ZNF214: variants seen among roughly 807,000 people sequenced by gnomAD.
ZNF214 encodes the protein zinc finger protein 214, also known as BWSCR2-associated zinc finger protein 1.
A neutral mutation model predicts 53.9 loss-of-function variants in ZNF214; 43 were observed. That is an observed-to-expected ratio of 0.80 (90% confidence interval 0.63 to 1.03). The LOEUF (loss-of-function observed/expected upper bound fraction) is 1.03, where lower values mean the gene tolerates loss of function less well. Among genes scored for constraint, ZNF214 ranks in the 50% least tolerant of loss-of-function variants. ZNF214 has a pLI of 0.00. For synonymous variants in ZNF214, 217 were observed against 229.5 expected (o/e 0.95, Z 0.49); for missense variants, 724 against 719.1 (o/e 1.01, Z -0.08).
chr11:7,000,190 T>C lies in ZNF214; in HGVS notation c.1493A>G (p.Tyr498Cys). 1 of 1,613,346 alleles carries C rather than the reference T, an allele frequency of 6.2e-7. No homozygotes were observed. The highest frequency in any genetic ancestry group is 8.5e-7 in the Non-Finnish European group (1 of 1,179,602). The change falls in exon 3 of 3, where the codon TAC becomes TGC. Residue 498 changes from tyrosine (Y) to cysteine (C), a missense_variant. By Grantham distance (194) the Tyr-to-Cys change is radical. Coordinates refer to ENST00000278314, the MANE Select transcript of ZNF214 (RefSeq NM_013249.4). ...HQRVHTGEKP[Y>C]KCEECGKGFS... ...TCCCTTGCCACACTCTTCACATTTG[T>C]AGGGTTTCTCTCCAGTATGTACTCT... is the stretch of plus-strand genomic sequence containing the variant.
In ZNF214 at chr11:7,000,620, C is replaced by T. The variant is rs200838493; in HGVS notation, c.1063G>A (p.Glu355Lys). 3.7e-6 allele frequency: 6 copies of T among 1,605,438 alleles called. No homozygotes were observed. Among genetic ancestry groups the T allele is most frequent in the Non-Finnish European group, 5.1e-6 (6 of 1,177,024 alleles). Residue 355 changes from glutamate to lysine, a missense_variant, in exon 3 of 3, where the codon GAG becomes AAG. By Grantham distance (56) the Glu-to-Lys change is moderately conservative. Transcript: ENST00000278314. ...LHIHQRLHIG[E>K]KPFKCNQCGK... The stretch of plus-strand genomic sequence containing the variant: ...CACTGATTACATTTAAAAGGCTTCT[C>T]TCCTATGTGAAGTCTCTGGTGAATG...
In ZNF214 at chr11:7,000,418, C is replaced by G. The variant is rs758934979; in HGVS notation, c.1265G>C (p.Gly422Ala). ...TTGAAGATTTGAGCGCTGGGTAAAG[C>G]CTTTACCACAGTCTTCACATTTATA... The part of the protein sequence containing the change: ...KSYKCEDCGK[G>A]FTQRSNLQIH... Residue 422 changes from glycine (G) to alanine (A), a missense_variant, in exon 3 of 3, where the codon GGC (glycine) becomes GCC (alanine). Gly to Ala is a moderately conservative substitution (Grantham distance 60). Coordinates refer to ENST00000278314, the MANE Select transcript of ZNF214 (RefSeq NM_013249.4). 4 of 1,613,344 alleles carry G rather than the reference C, an allele frequency of 2.5e-6. No individual in the cohort carries two copies. The highest frequency in any genetic ancestry group is 3.3e-5 in the Admixed American group (2 of 59,884).
intron 1 of ZNF214, among the ~76,000 whole-genome samples, chr11:7,016,894 C>G (rs1253187044): frequency 6.6e-6 from 1 of 152,032 alleles, no homozygotes; most frequent in Admixed American, 6.5e-5. Flanking sequence ...GAAGAGATTT[C>G]AAAGCACAGA....
chr11:7,009,271 C>T (rs1382607495), intron 1 of ZNF214, among the ~76,000 whole-genome samples: 2 of 152,006 alleles, frequency 1.3e-5, no homozygotes, highest in African/African-American at 4.8e-5. Flanking sequence ...GAAAAAAATG[C>T]CTCACACCTA....
In ZNF214 at chr11:7,000,635, T is replaced by A; in HGVS notation, c.1048A>T (p.Arg350Ter). 6.2e-7 allele frequency: 1 copy of A among 1,601,028 alleles called. No individual in the cohort carries two copies. Among genetic ancestry groups the A allele is most frequent in the Middle Eastern group, 1.7e-4 (1 of 5,954 alleles). ...SRNSLLHIHQRLHIGEKPFKC... is the reference protein window; with the variant it reads ...SRNSLLHIHQ ...AAAGGCTTCTCTCCTATGTGAAGTC[T>A]CTGGTGAATGTGAAGTAATGAATTT... Residue 350 changes from arginine (R) to a stop codon, truncating the protein, a stop_gained, in exon 3 of 3, where the codon AGA becomes TGA. Coordinates refer to ENST00000278314, the MANE Select transcript of ZNF214 (RefSeq NM_013249.4). LOFTEE classifies it high-confidence loss of function.
intron 2 of ZNF214, among the ~76,000 whole-genome samples, chr11:7,002,223 T>A (rs1403994784): frequency 6.6e-6 from 1 of 152,008 alleles, no homozygotes; most frequent in East Asian, 1.9e-4. Flanking sequence ...CTACCTCCAC[T>A]GATACTGAGC....
chr11:7,001,511 A>G lies in ZNF214; in HGVS notation c.172T>C (p.Tyr58His). Reference sequence around the variant, plus strand: ...TAGGAAAAATTTTCATATTCTAAGTATCTGAATTTTTCTTCTTGGGATTTG... The same window carrying G: ...TAGGAAAAATTTTCATATTCTAAGTGTCTGAATTTTTCTTCTTGGGATTTG... ...SYKSQEEKFRYLEYENFSYWQ... is the reference protein window; with the variant it reads ...SYKSQEEKFRHLEYENFSYWQ... Residue 58 changes from tyrosine to histidine, a missense_variant, in exon 3 of 3, where the codon TAC becomes CAC. By Grantham distance (83) the Tyr-to-His change is moderately conservative. Coordinates refer to ENST00000278314, the MANE Select transcript of ZNF214 (RefSeq NM_013249.4). The G allele has an allele frequency of 1.2e-6, 2 of 1,609,462 alleles. No individual in the cohort carries two copies. The highest frequency in any genetic ancestry group is 1.7e-6 in the Non-Finnish European group (2 of 1,177,462).
chr11:7,019,236 C>G (rs1851852785), intron 1 of ZNF214, among the ~76,000 whole-genome samples: 1 of 152,108 alleles, frequency 6.6e-6, no homozygotes, highest in African/African-American at 2.4e-5. Flanking sequence ...CTGGGTATGA[C>G]GCACACATCT....
chr11:7,012,133 T>A (rs1303341947), intron 1 of ZNF214, among the ~76,000 whole-genome samples: 1 of 152,106 alleles, frequency 6.6e-6, no homozygotes, highest in Non-Finnish European at 1.5e-5. Context: ...TACCAGATAC[T>A]GACATATCAC....
rs766087022 is a variant in ZNF214, at chr11:7,000,779, G to T, written c.904C>A (p.Pro302Thr). The T allele has an allele frequency of 7.5e-6, 12 of 1,610,614 alleles. No homozygotes were observed. The highest frequency in any genetic ancestry group is 9.3e-6 in the Non-Finnish European group (11 of 1,179,250). ...TTACCACATGCATTACAGCTATAAGGTACCTCCCCTATGTGAACTCTCTGA... is the reference window on the plus strand; with the variant it reads ...TTACCACATGCATTACAGCTATAAGTTACCTCCCCTATGTGAACTCTCTGA... The part of the protein sequence containing the change: ...FHQRVHIGEV[P>T]YSCNACGKSF... Residue 302 changes from proline to threonine, a missense_variant, in exon 3 of 3, where the codon CCT (proline) becomes ACT (threonine). Pro to Thr is a conservative substitution (Grantham distance 38, BLOSUM62 -1). Transcript: ENST00000278314.
intron 1 of ZNF214, among the ~76,000 whole-genome samples, chr11:7,004,474 C>T (rs532656966): frequency 5.9e-5 from 9 of 152,178 alleles, no homozygotes; most frequent in South Asian, 2.1e-4. Flanking sequence ...TGATCCTTTC[C>T]ATTCAAGAAG....
chr11:7,009,703 C>T (rs773057215), intron 1 of ZNF214, among the ~76,000 whole-genome samples: 48 of 152,080 alleles, frequency 3.2e-4, no homozygotes, highest in Middle Eastern at 3.4e-3. Context: ...AGTCTAGAAT[C>T]GATGAAGAAT....
rs368228159 is a variant in ZNF214, at chr11:7,000,203, C to T, written c.1480G>A (p.Gly494Arg). The stretch of plus-strand genomic sequence containing the variant: ...TCTTCACATTTGTAGGGTTTCTCTC[C>T]AGTATGTACTCTTTGATGAGTGTGA... ...KLHTHQRVHT[G>R]EKPYKCEECG... Residue 494 changes from glycine to arginine, a missense_variant, in exon 3 of 3, where the codon GGA becomes AGA. By Grantham distance (125) the Gly-to-Arg change is moderately radical. Transcript: ENST00000278314. The T allele has an allele frequency of 6.2e-7, 1 of 1,613,276 alleles. No individual in the cohort carries two copies. Among genetic ancestry groups the T allele is most frequent in the Non-Finnish European group, 8.5e-7 (1 of 1,179,570 alleles).
rs1396914629 is a variant in ZNF214 at position 6,999,009 on chromosome 11, C to T, written c.*853G>A. ...TTCAATGCTGTCCTTGCAGATATTT[C>T]TCTATTACCACTCTGTTCTACTGAG... On this transcript the variant is annotated 3_prime_UTR_variant, in exon 3 of 3. Transcript: ENST00000278314. Among the ~76,000 whole-genome samples, 1 of 151,940 alleles carries T rather than the reference C, an allele frequency of 6.6e-6. No homozygotes were observed. The highest frequency in any genetic ancestry group is 2.4e-5 in the African/African-American group (1 of 41,400).
intron 1 of ZNF214, 63 bp from the exon 2 acceptor site, chr11:7,002,918 T>C (rs1590102998): frequency 1.4e-6 from 2 of 1,445,864 alleles, no homozygotes; most frequent in East Asian, 2.5e-5. Context: ...AGATAAGATA[T>C]GTGGCAAGCC....
chr11:7,005,637 A>G (rs904767059), intron 1 of ZNF214, among the ~76,000 whole-genome samples: 1 of 152,084 alleles, frequency 6.6e-6, no homozygotes, highest in Non-Finnish European at 1.5e-5. Context: ...TACTTCCTAT[A>G]GTACATTTTA....
In ZNF214 at chr11:7,001,326, A is replaced by G; in HGVS notation, c.357T>C (p.Tyr119=). 1 of 1,613,244 alleles carries G rather than the reference A, an allele frequency of 6.2e-7. No individual in the cohort carries two copies. The highest frequency in any genetic ancestry group is 2.2e-5 in the East Asian group (1 of 44,862). Reference sequence around the variant, plus strand: ...GACTTTTGCTTTCAAAAGTCAGTTCATAGTTCCCATACCCTGGTACTTGTG... The same window carrying G: ...GACTTTTGCTTTCAAAAGTCAGTTCGTAGTTCCCATACCCTGGTACTTGTG... ...LSTQVPGYGN[Y]ELTFESKSLR... The change falls in exon 3 of 3, where the codon TAT becomes TAC. Residue 119 remains tyrosine, a synonymous_variant. Transcript: ENST00000278314.
intron 1 of ZNF214, among the ~76,000 whole-genome samples, chr11:7,014,166 C>A (rs2119454617): frequency 6.6e-6 from 1 of 152,266 alleles, no homozygotes; most frequent in African/African-American, 2.4e-5. Flanking sequence ...GAGGATATGA[C>A]TGCATATCTG....
Position 7,000,774 on chromosome 11 carries a change from A to G in ZNF214, c.909T>C (p.Tyr303=), listed in dbSNP as rs770984046. The G allele has an allele frequency of 5.0e-6, 8 of 1,610,676 alleles. No individual in the cohort carries two copies. The highest frequency in any genetic ancestry group is 1.7e-5 in the Admixed American group (1 of 59,856). Residue 303 remains tyrosine (Y), a synonymous_variant, in exon 3 of 3, where the codon TAT becomes TAC. Coordinates refer to ENST00000278314, the MANE Select transcript of ZNF214 (RefSeq NM_013249.4). ...HQRVHIGEVP[Y]SCNACGKSFS... Reference sequence around the variant, plus strand: ...AGCTCTTACCACATGCATTACAGCTATAAGGTACCTCCCCTATGTGAACTC... The same window carrying G: ...AGCTCTTACCACATGCATTACAGCTGTAAGGTACCTCCCCTATGTGAACTC...
Sources: allele counts gnomAD v4.1 joint callset (sites outside exome capture counted in the v4.1 genomes callset), GRCh38; gene constraint gnomAD v4.1.1; transcripts MANE v1.5; gene names NCBI Gene and HGNC (gene_info 2026-07-23, HGNC 2026-07-21).